The following ATP8A1 variants were observed in gnomAD, a reference collection of about 807,000 sequenced individuals.
ATP8A1 encodes the protein ATPase phospholipid transporting 8A1.
A neutral mutation model predicts 177.7 loss-of-function variants in ATP8A1; 90 were observed. The observed-to-expected ratio is 0.51, with a 90% CI of 0.43 to 0.60. The LOEUF is 0.60. ATP8A1 is among the 20% of genes least tolerant of loss of function. The pLI, the probability that ATP8A1 is intolerant of heterozygous loss-of-function variation, is 0.00. For synonymous variants in ATP8A1, 493 were observed against 485.9 expected (o/e 1.01, Z -0.19); for missense variants, 1,072 against 1,392.8 (o/e 0.77, Z 3.67).
At chr4:42,572,524 C>T (rs1474836450) in intron 14 of ATP8A1, among the ~76,000 whole-genome samples, 1 of 152,164 alleles carries the variant, frequency 6.6e-6, no homozygotes, top group East Asian at 1.9e-4. Context: ...GTCCAATAAT[C>T]CACCAGGATG....
chr4:42,475,517 T>C (rs1720957829), intron 25 of ATP8A1, among the ~76,000 whole-genome samples: 1 of 144,982 alleles, frequency 6.9e-6, no homozygotes, highest in African/African-American at 2.5e-5. Context: ...ATTCAGGACA[T>C]AGAAAAGGCC....
At chr4:42,469,896 A>G (rs1720202419) in intron 25 of ATP8A1, among the ~76,000 whole-genome samples, 1 of 152,200 alleles carries the variant, frequency 6.6e-6, no homozygotes, top group Non-Finnish European at 1.5e-5. Context: ...AATTCTTCCT[A>G]TGTCTATAAA....
chr4:42,447,281 C>T (rs1487651567), intron 30 of ATP8A1, among the ~76,000 whole-genome samples: 1 of 152,092 alleles, frequency 6.6e-6, no homozygotes, highest in Non-Finnish European at 1.5e-5. Flanking sequence ...CTCCCGGGTT[C>T]TAGTAATTAT....
chr4:42,620,234 C>T (rs1461505050), intron 4 of ATP8A1, among the ~76,000 whole-genome samples: 1 of 152,176 alleles, frequency 6.6e-6, no homozygotes, highest in African/African-American at 2.4e-5. Context: ...AGAGAGTATT[C>T]TTTCAAACTT....
chr4:42,460,353 G>C (rs1018958017), intron 27 of ATP8A1, among the ~76,000 whole-genome samples: 11 of 142,346 alleles, frequency 7.7e-5, no homozygotes, highest in African/African-American at 2.8e-4. Context: ...GATAGAATAT[G>C]ATTTCCATAT....
At chr4:42,496,528 A>G (rs13135913) in intron 24 of ATP8A1, among the ~76,000 whole-genome samples, 134,836 of 152,156 alleles carry the variant, frequency 0.89, 60,605 homozygotes, top group East Asian at 0.97. Context: ...GGCTTTCTCA[A>G]AATAAGCAAA....
In ATP8A1 at chr4:42,574,602, T is replaced by A. The variant is rs567402051; in HGVS notation, c.1295+17A>T. 2 of 1,593,892 alleles carry A rather than the reference T, an allele frequency of 1.3e-6. No individual in the cohort carries two copies. Among genetic ancestry groups the A allele is most frequent in the Admixed American group, 1.7e-5 (1 of 57,920 alleles). On this transcript the variant is annotated intron_variant, in intron 14 of 36. Transcript: ENST00000381668. ...TTAAGCATGTATTTCATATCCTAAT[T>A]AAAGGAAAAAACTCACCCATAAGCA...
intron 20 of ATP8A1, among the ~76,000 whole-genome samples, chr4:42,543,544 A>T (rs1432413938): frequency 6.6e-6 from 1 of 152,174 alleles, no homozygotes. Flanking sequence ...CTGTGATCTA[A>T]TTTTCCCCCA....
rs374257187 is a variant in ATP8A1 at position 42,501,279 on chromosome 4, T to G, written c.2151+2171A>C. Among the ~76,000 whole-genome samples, 37 of 152,350 alleles carry G rather than the reference T, an allele frequency of 2.4e-4. 1 individual carries two copies. In the South Asian group the frequency reaches 3.5e-3, roughly 14 times the overall value. ...CTGAAATAATATTCTCTCTACAAAA[T>G]TTTATAACATCTCATTTTTTACATG... is the stretch of plus-strand genomic sequence containing the variant. On this transcript the variant is annotated intron_variant, in intron 24 of 36. Transcript: ENST00000381668.
intron 24 of ATP8A1, among the ~76,000 whole-genome samples, chr4:42,486,192 T>G (rs1722185515): frequency 6.6e-6 from 1 of 152,154 alleles, no homozygotes; most frequent in African/African-American, 2.4e-5. Flanking sequence ...GACCTCACAT[T>G]CTGTATTTGT....
chr4:42,580,327 T>C (rs758983440), intron 10 of ATP8A1, among the ~76,000 whole-genome samples: 15 of 151,376 alleles, frequency 9.9e-5, no homozygotes, highest in Non-Finnish European at 1.9e-4. Flanking sequence ...ACATTTAGTG[T>C]TTCCGTTCAG....
chr4:42,476,149 A>G (rs558544928), intron 25 of ATP8A1, among the ~76,000 whole-genome samples: 2 of 152,346 alleles, frequency 1.3e-5, no homozygotes, highest in Admixed American at 6.5e-5. Context: ...GCACTACAGC[A>G]CAGGGCATAC....
At chr4:42,525,163 CT>C (rs1257855829) in intron 20 of ATP8A1, among the ~76,000 whole-genome samples, 1 of 152,146 alleles carries the variant, frequency 6.6e-6, no homozygotes, top group Non-Finnish European at 1.5e-5. Context: ...TCCAGAACAC[CT>C]TCATAGGTAT....
chr4:42,492,548 C>A (rs1722839885), intron 24 of ATP8A1, among the ~76,000 whole-genome samples: 1 of 152,112 alleles, frequency 6.6e-6, no homozygotes, highest in Non-Finnish European at 1.5e-5. Context: ...TGCACAGACA[C>A]AAGAAGACAC....
At chr4:42,532,137 GAC>G (rs947642957) in intron 20 of ATP8A1, among the ~76,000 whole-genome samples, 1 of 151,214 alleles carries the variant, frequency 6.6e-6, no homozygotes, top group South Asian at 2.1e-4. Flanking sequence ...CAGACACACA[GAC>G]ACACACACAC....
Position 42,614,506 on chromosome 4 carries a change from A to G in ATP8A1, c.409+1527T>C, listed in dbSNP as rs529805612. 2.0e-5 allele frequency among the ~76,000 whole-genome samples: 3 copies of G among 152,274 alleles called. No individual in the cohort carries two copies. The South Asian group carries it at 6.2e-4, about 32-fold the overall frequency. ...CAATTCCTGTGTTTGTCCCTTCACA[A>G]CTAAACTCCTGGAGTAGCTCTGTCC... On this transcript the variant is annotated intron_variant, in intron 5 of 36. Coordinates refer to ENST00000381668, the MANE Select transcript of ATP8A1 (RefSeq NM_006095.2).
intron 1 of ATP8A1, among the ~76,000 whole-genome samples, chr4:42,655,959 A>G (rs548444180): frequency 4.6e-5 from 7 of 152,352 alleles, no homozygotes; most frequent in Admixed American, 2.0e-4. Context: ...GGTTTATGGG[A>G]GAGGACAAAC....
intron 29 of ATP8A1, among the ~76,000 whole-genome samples, chr4:42,454,477 T>G (rs1258588689): frequency 6.6e-6 from 1 of 152,254 alleles, no homozygotes; most frequent in Non-Finnish European, 1.5e-5. Context: ...AAGTGTATTT[T>G]ATTTGTTGCT....
intron 25 of ATP8A1, among the ~76,000 whole-genome samples, chr4:42,473,056 T>C (rs887480326): frequency 6.6e-6 from 1 of 152,152 alleles, no homozygotes; most frequent in Admixed American, 6.5e-5. Context: ...TAGATAGTAG[T>C]GGGATACTCT....
Sources: gnomAD v4.1 joint callset for allele counts (sites outside exome capture counted in the v4.1 genomes callset) on GRCh38, gnomAD v4.1.1 for gene constraint, MANE v1.5 for transcripts, NCBI Gene and HGNC (gene_info 2026-07-23, HGNC 2026-07-21) for gene names.